The following FAF1 variants were observed in gnomAD, a reference collection of about 807,000 sequenced individuals.
The protein encoded by FAF1 is FAS-associated factor 1.
A neutral mutation model predicts 92.5 loss-of-function variants in FAF1; 25 were observed. The ratio of observed to expected loss-of-function variants is 0.27; its 90% CI spans 0.20 to 0.38. The LOEUF is 0.38. Among genes scored for constraint, FAF1 ranks in the 10% least tolerant of loss-of-function variants. FAF1 has a pLI of 1.00. For synonymous variants in FAF1, 234 were observed against 273.2 expected, an observed-to-expected ratio of 0.86 and a Z score of 1.42; for missense variants, 636 against 793.3, an observed-to-expected ratio of 0.80 and a Z score of 2.38.
At chr1:50,507,549 G>C (rs1647073883) in intron 15 of FAF1, among the ~76,000 whole-genome samples, 1 of 152,026 alleles carries the variant, frequency 6.6e-6, no homozygotes, top group South Asian at 2.1e-4. Flanking sequence ...AGATCAGCCT[G>C]GATAACATGG....
chr1:50,617,698 T>G (rs999309566), intron 8 of FAF1, among the ~76,000 whole-genome samples: 5 of 151,402 alleles, frequency 3.3e-5, no homozygotes, highest in Admixed American at 6.6e-5. Flanking sequence ...CTTCTGTTTT[T>G]TTTTTTTTTT....
At chr1:50,584,563 T>C in intron 10 of FAF1, 122 bp downstream of exon 10, 1 of 925,916 alleles carries the variant, frequency 1.1e-6, no homozygotes, top group Non-Finnish European at 1.6e-6. Flanking sequence ...GCCTACTCTC[T>C]ATTATCTTAT....
intron 2 of FAF1, among the ~76,000 whole-genome samples, chr1:50,852,554 G>GA (rs1644359465): frequency 6.6e-6 from 1 of 152,064 alleles, no homozygotes; most frequent in Non-Finnish European, 1.5e-5. Flanking sequence ...GTGGTAGGAA[G>GA]AAAAAAGCCA....
intron 7 of FAF1, among the ~76,000 whole-genome samples, chr1:50,683,153 C>G (rs1408118320): frequency 1.3e-5 from 2 of 152,160 alleles, no homozygotes; most frequent in East Asian, 3.9e-4. Flanking sequence ...GTTAGAAAAA[C>G]AGTATTTTAA....
intron 8 of FAF1, among the ~76,000 whole-genome samples, chr1:50,609,518 G>A (rs1013701505): frequency 6.6e-6 from 1 of 152,128 alleles, no homozygotes; most frequent in African/African-American, 2.4e-5. Flanking sequence ...CTGAGCAGCT[G>A]ATACTACAGG....
intron 7 of FAF1, among the ~76,000 whole-genome samples, chr1:50,694,092 A>G (rs955439056): frequency 2.2e-5 from 3 of 138,474 alleles, no homozygotes; most frequent in African/African-American, 1.0e-4. Flanking sequence ...ATATAAAAAA[A>G]ACTGACCAGC....
At chr1:50,475,910 T>C (rs1294812272) in intron 17 of FAF1, among the ~76,000 whole-genome samples, 5 of 152,158 alleles carry the variant, frequency 3.3e-5, no homozygotes, top group Non-Finnish European at 5.9e-5. Context: ...ATGACACATA[T>C]TATTAAATAT....
At chr1:50,641,473 TC>T (rs1188734026) in intron 8 of FAF1, among the ~76,000 whole-genome samples, 1 of 152,246 alleles carries the variant, frequency 6.6e-6, no homozygotes, top group Non-Finnish European at 1.5e-5. Flanking sequence ...GTTTTTTATT[TC>T]AAATATTTGA....
intron 5 of FAF1, among the ~76,000 whole-genome samples, chr1:50,742,949 AT>A (rs2124493185): frequency 6.6e-6 from 1 of 152,336 alleles, no homozygotes; most frequent in South Asian, 2.1e-4. Flanking sequence ...TCAAAAGAAT[AT>A]TTTATGGCAT....
At chr1:50,708,293 C>T (rs1454226491) in intron 6 of FAF1, among the ~76,000 whole-genome samples, 1 of 152,088 alleles carries the variant, frequency 6.6e-6, no homozygotes, top group African/African-American at 2.4e-5. Flanking sequence ...AGATGAAAAA[C>T]TGTCAAGTTC....
At chr1:50,833,908 T>C (rs1208883820) in intron 2 of FAF1, among the ~76,000 whole-genome samples, 1 of 152,248 alleles carries the variant, frequency 6.6e-6, no homozygotes, top group Non-Finnish European at 1.5e-5. Flanking sequence ...CAGGCGCTCA[T>C]GAAACCACAT....
intron 3 of FAF1, among the ~76,000 whole-genome samples, chr1:50,795,882 A>G (rs995174641): frequency 6.6e-6 from 1 of 152,138 alleles, no homozygotes; most frequent in African/African-American, 2.4e-5. Context: ...CTGATTACCA[A>G]GAAAAAAATT....
chr1:50,754,444 CTA>C (rs1659995213), intron 4 of FAF1, among the ~76,000 whole-genome samples: 1 of 152,196 alleles, frequency 6.6e-6, no homozygotes, highest in African/African-American at 2.4e-5. Flanking sequence ...GGAACAGACA[CTA>C]TTACCAATTT....
intron 8 of FAF1, among the ~76,000 whole-genome samples, chr1:50,627,525 T>A (rs1401309040): frequency 1.3e-5 from 2 of 151,244 alleles, no homozygotes; most frequent in Non-Finnish European, 2.9e-5. Context: ...TATAACTACA[T>A]AGAAAAATAT....
At chr1:50,862,317 T>G (rs1357471516) in intron 1 of FAF1, among the ~76,000 whole-genome samples, 4 of 151,754 alleles carry the variant, frequency 2.6e-5, no homozygotes, top group African/African-American at 9.7e-5. Context: ...TAAACATACT[T>G]ATAGAGCTAA....
At chr1:50,519,998 T>G (rs1647419471) in intron 15 of FAF1, among the ~76,000 whole-genome samples, 2 of 152,232 alleles carry the variant, frequency 1.3e-5, no homozygotes, top group African/African-American at 4.8e-5. Flanking sequence ...ATATATCTCC[T>G]GGTGTTGAGC....
chr1:50,840,062 A>G (rs1644243447), intron 2 of FAF1, among the ~76,000 whole-genome samples: 1 of 152,018 alleles, frequency 6.6e-6, no homozygotes, highest in Non-Finnish European at 1.5e-5. Context: ...AAAAAATAAA[A>G]TAAAAAAACT....
intron 18 of FAF1, among the ~76,000 whole-genome samples, chr1:50,454,516 T>C (rs1646329546): frequency 6.6e-6 from 1 of 152,238 alleles, no homozygotes; most frequent in East Asian, 1.9e-4. Flanking sequence ...TGACCATATA[T>C]GTTCATTGTG....
chr1:50,445,226 T>C (rs565230604), intron 18 of FAF1, among the ~76,000 whole-genome samples: 1 of 152,252 alleles, frequency 6.6e-6, no homozygotes, highest in Admixed American at 6.5e-5. Context: ...GTTTTATCCC[T>C]CATCCCCTGC....
Sources: allele counts gnomAD v4.1 joint callset (sites outside exome capture counted in the v4.1 genomes callset), GRCh38; gene constraint gnomAD v4.1.1; transcripts MANE v1.5; gene names NCBI Gene and HGNC (gene_info 2026-07-23, HGNC 2026-07-21).